The following TSPAN15 variants were observed in gnomAD, a reference collection of about 807,000 sequenced individuals.
The protein encoded by TSPAN15 is tetraspanin-15.
A neutral mutation model predicts 34.5 loss-of-function variants in TSPAN15; 20 were observed. That is an observed-to-expected ratio of 0.58 (90% confidence interval 0.41 to 0.84). TSPAN15 has a LOEUF of 0.84. Among genes scored for constraint, TSPAN15 ranks in the 40% least tolerant of loss-of-function variants. The pLI is 0.00. For missense variants in TSPAN15, 313 were observed against 386.1 expected (o/e 0.81, Z 1.59); for synonymous variants, 155 against 153.9 (o/e 1.01, Z -0.05).
Position 69,506,995 on chromosome 10 carries a change from G to T in TSPAN15, c.*17G>T, listed in dbSNP as rs767351482. ...CCCAATTAGGGCCCAGCCTGCCATG[G>T]CAGCTCCAACAAGGACCGTCTGGGA... On this transcript the variant is annotated 3_prime_UTR_variant, in exon 8 of 8. Transcript: ENST00000373290. The surrounding 1 kb of genome is among the most constrained non-coding windows in gnomAD (Gnocchi z 4.7). The T allele has an allele frequency of 1.2e-6, 2 of 1,605,720 alleles. No homozygotes were observed. The highest frequency in any genetic ancestry group is 8.5e-7 in the Non-Finnish European group (1 of 1,177,086).
chr10:69,525,110 G>A, the TSPAN15 span, among the ~76,000 whole-genome samples: 205 of 147,264 alleles, frequency 1.4e-3, 15 homozygotes, highest in African/African-American at 4.9e-3. Context: ...AAAGGGACAA[G>A]CCTAGCTCTG....
the TSPAN15 span, chr10:69,523,407 G>T: frequency 1.7e-6 from 1 of 579,740 alleles, no homozygotes; most frequent in South Asian, 1.6e-5. Flanking sequence ...GGTAGTAAAA[G>T]CTGGTGAAGA....
the TSPAN15 span, among the ~76,000 whole-genome samples, chr10:69,514,208 T>C: frequency 6.6e-6 from 1 of 152,266 alleles, no homozygotes; most frequent in African/African-American, 2.4e-5. Context: ...AACCTTGCAT[T>C]CCTGGAATAA....
At chr10:69,473,074 C>T (rs961914743) in intron 1 of TSPAN15, among the ~76,000 whole-genome samples, 2 of 152,200 alleles carry the variant, frequency 1.3e-5, no homozygotes. Context: ...AAGGGCTTCC[C>T]ATTGTTGGTT....
the TSPAN15 span, among the ~76,000 whole-genome samples, chr10:69,519,893 C>T: frequency 1.9e-4 from 29 of 152,102 alleles, no homozygotes; most frequent in Admixed American, 5.2e-4. Context: ...CCACCACACC[C>T]GGCTAATTTT....
intron 1 of TSPAN15, among the ~76,000 whole-genome samples, chr10:69,453,142 G>A (rs1167905372): frequency 2.0e-5 from 3 of 149,194 alleles, no homozygotes; most frequent in African/African-American, 4.9e-5. Context: ...TGAACAGTAT[G>A]TTTGGGGGGC....
the TSPAN15 span, among the ~76,000 whole-genome samples, chr10:69,535,642 G>A: frequency 1.3e-5 from 2 of 152,234 alleles, no homozygotes; most frequent in East Asian, 1.9e-4. Flanking sequence ...CACCTTCAGT[G>A]TCTAGGGCCA....
intron 1 of TSPAN15, among the ~76,000 whole-genome samples, chr10:69,466,821 T>C (rs998616051): frequency 1.3e-5 from 2 of 152,194 alleles, no homozygotes; most frequent in Non-Finnish European, 2.9e-5. Flanking sequence ...TCTTACAGTT[T>C]ACAAAGGAGT....
chr10:69,520,197 A>G, the TSPAN15 span, among the ~76,000 whole-genome samples: 1 of 151,980 alleles, frequency 6.6e-6, no homozygotes, highest in South Asian at 2.1e-4. Context: ...AGTCCTTGTA[A>G]CCTCTATTCT....
chr10:69,517,401 C>T, the TSPAN15 span, among the ~76,000 whole-genome samples: 3 of 152,220 alleles, frequency 2.0e-5, no homozygotes, highest in South Asian at 2.1e-4. Context: ...GCCGGGGGCT[C>T]GGCCCCCTGA....
chr10:69,451,808 G>A, intron 1 of TSPAN15, 118 bp downstream of exon 1: 1 of 747,824 alleles, frequency 1.3e-6, no homozygotes. Context: ...GGGTGAGCGC[G>A]CGCGGACTCC....
the TSPAN15 span, among the ~76,000 whole-genome samples, chr10:69,547,406 A>T: frequency 2.0e-5 from 3 of 152,190 alleles, no homozygotes; most frequent in Non-Finnish European, 4.4e-5. Flanking sequence ...GGAGAGATAA[A>T]CATGAATCAG....
chr10:69,455,547 T>TCTCTCTTC (rs1554830512), intron 1 of TSPAN15, among the ~76,000 whole-genome samples: 17 of 130,450 alleles, frequency 1.3e-4, no homozygotes, highest in Non-Finnish European at 1.6e-4. Context: ...TCTTTCTTTC[T>TCTCTCTTC]TCTCTCTCTC....
chr10:69,488,584 TAA>T (rs1403039956), intron 3 of TSPAN15, among the ~76,000 whole-genome samples: 2 of 152,000 alleles, frequency 1.3e-5, no homozygotes, highest in Non-Finnish European at 2.9e-5. Context: ...AGCTGAGAAA[TAA>T]AGAGAAAGAG....
At chr10:69,459,120 AAAAAAC>A (rs745387994) in intron 1 of TSPAN15, among the ~76,000 whole-genome samples, 15,631 of 98,162 alleles carry the variant, frequency 0.16, 946 homozygotes, top group Non-Finnish European at 0.19. Flanking sequence ...AAAAAAAAAA[AAAAAAC>A]AACAACAAAA....
In TSPAN15 at chr10:69,451,666, TATC is replaced by T. The variant is rs1389499861; in HGVS notation, c.76_78del (p.Ile26del). The T allele has an allele frequency of 3.5e-5, 54 of 1,542,304 alleles. 1 individual carries two copies. The Middle Eastern group carries it at 5.9e-3, about 168-fold the overall frequency. On this transcript the variant is annotated inframe_deletion, in exon 1 of 8. Transcript: ENST00000373290. ...CCTACCTCTGGCTCAAGTTTTCACT[TATC>T]ATCTATTCCACCGTGTTCTGGGTGA...
At chr10:69,540,137 T>G in the TSPAN15 span, among the ~76,000 whole-genome samples, 1 of 151,686 alleles carries the variant, frequency 6.6e-6, no homozygotes, top group Non-Finnish European at 1.5e-5. Flanking sequence ...GTGATCCACC[T>G]GCCTCGGCCT....
At chr10:69,495,424 G>A (rs986231896) in intron 3 of TSPAN15, 170 bp from the exon 4 acceptor site, 3 of 601,228 alleles carry the variant, frequency 5.0e-6, no homozygotes, top group Non-Finnish European at 9.0e-6. Flanking sequence ...GGATGTGTGG[G>A]TAGGGAGGTC....
At chr10:69,523,443 T>TAACCTGGC in the TSPAN15 span, 2 of 557,646 alleles carry the variant, frequency 3.6e-6, no homozygotes, top group Non-Finnish European at 6.6e-6. Context: ...AGGCTAGCAG[T>TAACCTGGC]AACCTGGCCC....
Sources: allele counts gnomAD v4.1 joint callset (sites outside exome capture counted in the v4.1 genomes callset), GRCh38; gene constraint gnomAD v4.1.1; non-coding constraint Gnocchi (gnomAD v3.1); transcripts MANE v1.5; gene names NCBI Gene and HGNC (gene_info 2026-07-23, HGNC 2026-07-21).